The following RIPPLY3 variants were observed in gnomAD, a reference collection of about 807,000 sequenced individuals.
RIPPLY3 encodes the protein ripply transcriptional repressor 3, also known as protein ripply3.
Under a neutral mutation model 11.9 loss-of-function variants are expected in RIPPLY3, and 8 were observed. The ratio of observed to expected loss-of-function variants is 0.67; its 90% CI spans 0.40 to 1.21. The LOEUF (loss-of-function observed/expected upper bound fraction) is 1.21, where lower values mean the gene tolerates loss of function less well. RIPPLY3 is among the 50% of genes most tolerant of loss of function. RIPPLY3 has a pLI of 0.01. For missense variants in RIPPLY3, 271 were observed against 246.0 expected (o/e 1.10, Z -0.68); for synonymous variants, 102 against 99.0 (o/e 1.03, Z -0.18).
At chr21:37,016,231 C>T (rs542969881) in intron 3 of RIPPLY3, among the ~76,000 whole-genome samples, 2 of 151,948 alleles carry the variant, frequency 1.3e-5, no homozygotes, top group East Asian at 1.9e-4. Flanking sequence ...TCCTGGGCCT[C>T]GTAGGGTGTT....
At chr21:37,013,356 C>T (rs1479137057) in intron 2 of RIPPLY3, among the ~76,000 whole-genome samples, 195 bp from the exon 3 acceptor site, 1 of 152,194 alleles carries the variant, frequency 6.6e-6, no homozygotes, top group Non-Finnish European at 1.5e-5. Flanking sequence ...GAATTCTTCA[C>T]AGTGCCTGGG....
In RIPPLY3 at chr21:37,018,458, CAG is replaced by C. The variant is rs1434423691; in HGVS notation, c.*254_*255del. 1 of 516,388 alleles carries C rather than the reference CAG, an allele frequency of 1.9e-6. No individual in the cohort carries two copies. Among genetic ancestry groups the C allele is most frequent in the Admixed American group, 3.4e-5 (1 of 29,532 alleles). The allele number at this position is 516,388 out of a possible 1,614,324, so 32.0% of individuals were successfully genotyped here. On this transcript the variant is annotated 3_prime_UTR_variant, in exon 4 of 4. Coordinates refer to ENST00000329553, the MANE Select transcript of RIPPLY3 (RefSeq NM_018962.3). ...AGGAGAAAGAGAAGGTCTATGTCAA[CAG>C]AGTTGTTATCTCATAGAGCCAGTTT... is the stretch of plus-strand genomic sequence containing the variant.
At chr21:37,006,251 C>G (rs2069461808), upstream of RIPPLY3, 3 of 152,766 alleles carry the variant, frequency 2.0e-5, no homozygotes, top group Admixed American at 2.0e-4. The surrounding 1 kb of genome is among the most constrained non-coding windows in gnomAD (Gnocchi z 5.2). Flanking sequence ...CAGGTCCCCC[C>G]AGTCCCCGAG....
chr21:37,010,769 G>A (rs75787346), intron 2 of RIPPLY3, among the ~76,000 whole-genome samples: 3,093 of 152,254 alleles, frequency 0.02, 54 homozygotes, highest in African/African-American at 0.04. Context: ...GCCCTAGCCC[G>A]GTCAGAGACT....
rs1049040141 is a variant in RIPPLY3 at position 37,006,766 on chromosome 21, C to T, written c.-7C>T. ...CCGCAGCAAGGGGCGCGGGCTCCGCCGGCACCATGGAGCCCGAAGCGGCGG... is the reference window on the plus strand; with the variant it reads ...CCGCAGCAAGGGGCGCGGGCTCCGCTGGCACCATGGAGCCCGAAGCGGCGG... On this transcript the variant is annotated 5_prime_UTR_variant, in exon 1 of 4. Coordinates refer to ENST00000329553, the MANE Select transcript of RIPPLY3 (RefSeq NM_018962.3). This position sits in a 1 kb window ranked among gnomAD's most constrained non-coding sequence, Gnocchi z 5.2. The T allele has an allele frequency of 1.8e-3, 2,209 of 1,229,260 alleles. 1 individual carries two copies. Among genetic ancestry groups the T allele is most frequent in the Non-Finnish European group, 2.0e-3 (2,015 of 985,822 alleles). The allele number at this position is 1,229,260 out of a possible 1,614,324, so 76.1% of individuals were successfully genotyped here. A position where few individuals can be genotyped will look rare whatever the true frequency, so the allele number is the denominator to read the frequency against.
In RIPPLY3 at chr21:37,018,441, GAGA is replaced by G. The variant is rs1423527156; in HGVS notation, c.*237_*239del. On this transcript the variant is annotated 3_prime_UTR_variant, in exon 4 of 4. Transcript: ENST00000329553. ...CTTTGAGAAAGGATTCTAGGAGAAAGAGAAGGTCTATGTCAACAGAGTTGTTAT... is the reference window on the plus strand; with the variant it reads ...CTTTGAGAAAGGATTCTAGGAGAAAGAGGTCTATGTCAACAGAGTTGTTAT... The G allele has an allele frequency of 1.8e-6, 1 of 555,092 alleles. No homozygotes were observed. Among genetic ancestry groups the G allele is most frequent in the Non-Finnish European group, 3.2e-6 (1 of 310,372 alleles). The allele number at this position is 555,092 out of a possible 1,614,324, so 34.4% of individuals were successfully genotyped here.
At chr21:37,011,410 T>C (rs1476833815) in intron 2 of RIPPLY3, among the ~76,000 whole-genome samples, 2 of 152,238 alleles carry the variant, frequency 1.3e-5, no homozygotes. Flanking sequence ...AACTGGACGA[T>C]TTACAGAAGT....
At chr21:37,009,951 C>G (rs2069503776) in intron 2 of RIPPLY3, among the ~76,000 whole-genome samples, 1 of 152,206 alleles carries the variant, frequency 6.6e-6, no homozygotes, top group Admixed American at 6.5e-5. Context: ...GAGCGACCAG[C>G]GCCAGTCTGT....
chr21:37,013,469 C>G, intron 2 of RIPPLY3, 82 bp from the exon 3 acceptor site: 1 of 1,167,078 alleles, frequency 8.6e-7, no homozygotes, highest in Non-Finnish European at 1.3e-6. Flanking sequence ...AGATGACTTA[C>G]GTTCTGTGGT....
At chr21:37,015,177 T>G (rs1231424554) in intron 3 of RIPPLY3, among the ~76,000 whole-genome samples, 1 of 152,068 alleles carries the variant, frequency 6.6e-6, no homozygotes, top group Non-Finnish European at 1.5e-5. Flanking sequence ...TTGTTTTTGT[T>G]TTTTGAGATG....
rs368300992 is a variant in RIPPLY3 at position 37,017,973 on chromosome 21, C to T, written c.339C>T (p.Asp113=). The change falls in exon 4 of 4, where the codon GAC becomes GAT. Residue 113 remains aspartate, a synonymous_variant. Transcript: ENST00000329553. ...FPVQATIDFY[D]DESTESASEA... ...TGCAAGCCACGATTGACTTCTACGA[C>T]GATGAGTCTACTGAGTCTGCTTCCG... 4.3e-5 allele frequency: 70 copies of T among 1,614,172 alleles called. No individual in the cohort carries two copies. Among genetic ancestry groups the T allele is most frequent in the Admixed American group, 4.2e-4 (25 of 60,018 alleles).
intron 3 of RIPPLY3, 63 bp downstream of exon 3, chr21:37,013,681 T>C: frequency 8.3e-7 from 1 of 1,201,454 alleles, no homozygotes; most frequent in Non-Finnish European, 1.2e-6. Flanking sequence ...TTAATATGCT[T>C]TAGTGTCTTC....
At chr21:37,016,528 A>G (rs927795350) in intron 3 of RIPPLY3, among the ~76,000 whole-genome samples, 1 of 152,224 alleles carries the variant, frequency 6.6e-6, no homozygotes, top group African/African-American at 2.4e-5. Context: ...AAAAATGCAA[A>G]TAAGTTAATG....
Position 37,008,675 on chromosome 21 carries a change from T to C in RIPPLY3, c.171+452T>C, listed in dbSNP as rs2069490483. ...TAGGAGGCCGAGGCAGGAGAATCGC[T>C]TGAACCCGGGAGGCGGAGGTTGCAG... On this transcript the variant is annotated intron_variant, in intron 2 of 3. Coordinates refer to ENST00000329553, the MANE Select transcript of RIPPLY3 (RefSeq NM_018962.3). Among the ~76,000 whole-genome samples the C allele has an allele frequency of 2.0e-5, 3 of 148,694 alleles. No individual in the cohort carries two copies. In the Admixed American group the frequency reaches 2.1e-4, roughly 10 times the overall value.
chr21:37,006,627 G>A, upstream of RIPPLY3: 1 of 418,872 alleles, frequency 2.4e-6, no homozygotes, highest in Non-Finnish European at 3.9e-6. This position sits in a 1 kb window ranked among gnomAD's most constrained non-coding sequence, Gnocchi z 5.2. Context: ...AGCTCCTCGG[G>A]TCCTGCCCCC....
rs542725845 is a variant in RIPPLY3, at chr21:37,018,141, C to T, written c.507C>T (p.His169=). 1 of 1,614,014 alleles carries T rather than the reference C, an allele frequency of 6.2e-7. No homozygotes were observed. Residue 169 remains histidine (H), a synonymous_variant, in exon 4 of 4, where the codon CAC becomes CAT. Transcript: ENST00000329553. The part of the protein sequence containing the change: ...QGQRSSGGGD[H]WGEGPLPQGV... Reference sequence around the variant, plus strand: ...AGCGATCCTCAGGAGGGGGTGACCACTGGGGGGAGGGTCCGCTCCCTCAAG... The same window carrying T: ...AGCGATCCTCAGGAGGGGGTGACCATTGGGGGGAGGGTCCGCTCCCTCAAG...
chr21:37,006,956 C>T lies in RIPPLY3; in HGVS notation c.104+80C>T. The stretch of plus-strand genomic sequence containing the variant: ...TGCGGGGAGCGCAGCGAGCGGGAGG[C>T]TGGGGCGCTGCTGAACCCCCGATCC... On this transcript the variant is annotated intron_variant, in intron 1 of 3. Transcript: ENST00000329553. The surrounding 1 kb of genome is among the most constrained non-coding windows in gnomAD (Gnocchi z 5.2). 1.2e-6 allele frequency: 1 copy of T among 851,342 alleles called. No individual in the cohort carries two copies. Among genetic ancestry groups the T allele is most frequent in the Non-Finnish European group, 1.5e-6 (1 of 648,734 alleles). 52.7% of individuals were successfully genotyped at this position (851,342 alleles called of 1,614,324 possible).
At position 37,018,315 on chromosome 21, in the gene RIPPLY3, G is replaced by A; in HGVS notation, c.*108G>A. 1 of 895,738 alleles carries A rather than the reference G, an allele frequency of 1.1e-6. No homozygotes were observed. The highest frequency in any genetic ancestry group is 1.8e-6 in the Non-Finnish European group (1 of 569,964). The allele number at this position is 895,738 out of a possible 1,614,324, so 55.5% of individuals were successfully genotyped here. ...CCCTGCTGAGTGTGCAGAGGCTAGA[G>A]GCTTCTCGGGCAGCCCCTGGCCTGC... is the stretch of plus-strand genomic sequence containing the variant. On this transcript the variant is annotated 3_prime_UTR_variant, in exon 4 of 4. Coordinates refer to ENST00000329553, the MANE Select transcript of RIPPLY3 (RefSeq NM_018962.3).
At chr21:37,015,411 G>T (rs778454747) in intron 3 of RIPPLY3, among the ~76,000 whole-genome samples, 3 of 152,104 alleles carry the variant, frequency 2.0e-5, no homozygotes, top group Non-Finnish European at 4.4e-5. Flanking sequence ...TAATCCACCC[G>T]CCTTGGCCTT....
Sources: allele counts gnomAD v4.1 joint callset (sites outside exome capture counted in the v4.1 genomes callset), GRCh38; gene constraint gnomAD v4.1.1; non-coding constraint Gnocchi (gnomAD v3.1); transcripts MANE v1.5; gene names NCBI Gene and HGNC (gene_info 2026-07-23, HGNC 2026-07-21).